Variants in CASZ1 observed in about 807,000 individuals in gnomAD.
The protein encoded by CASZ1 is zinc finger protein castor homolog 1.
Under a neutral mutation model 135.2 loss-of-function variants are expected in CASZ1, and 28 were observed. The ratio of observed to expected loss-of-function variants is 0.21; its 90% CI spans 0.15 to 0.28. The LOEUF (loss-of-function observed/expected upper bound fraction) is 0.28, where lower values mean the gene tolerates loss of function less well. CASZ1 is among the 10% of genes least tolerant of loss of function. The pLI is 1.00. For synonymous variants in CASZ1, 1,068 were observed against 1,073.4 expected, an observed-to-expected ratio of 0.99 and a Z score of 0.10; for missense variants, 2,161 against 2,453.3, an observed-to-expected ratio of 0.88 and a Z score of 2.52.
At chr1:10,681,524 T>G (rs998855243) in intron 4 of CASZ1, among the ~76,000 whole-genome samples, 9 of 152,194 alleles carry the variant, frequency 5.9e-5, no homozygotes, top group African/African-American at 2.2e-4. Context: ...TCACTTTCTC[T>G]GGGCAGCCTC....
rs967419364 is a variant in CASZ1, at chr1:10,701,987, G to A, written c.-24+3505C>T. 6.6e-6 allele frequency among the ~76,000 whole-genome samples: 1 copy of A among 152,366 alleles called. No individual in the cohort carries two copies. The highest frequency in any genetic ancestry group is 6.5e-5 in the Admixed American group (1 of 15,308). On this transcript the variant is annotated intron_variant, in intron 3 of 20. Transcript: ENST00000377022. This position sits in a 1 kb window ranked among gnomAD's most constrained non-coding sequence, Gnocchi z 6.3. ...TTGGGCTTCCGGCCCCGCTGCCTGG[G>A]CGGCGTCTGTCTTCCTTTGCGGACA... is the stretch of plus-strand genomic sequence containing the variant.
At chr1:10,772,228 C>A (rs557654399) in intron 1 of CASZ1, among the ~76,000 whole-genome samples, 1 of 152,070 alleles carries the variant, frequency 6.6e-6, no homozygotes, top group African/African-American at 2.4e-5. Flanking sequence ...AGAGAGAAGC[C>A]GAAATTAGAA....
chr1:10,756,987 C>T lies in CASZ1; in HGVS notation c.-77+3714G>A, dbSNP rs1033141636. Among the ~76,000 whole-genome samples the T allele has an allele frequency of 2.6e-5, 4 of 152,218 alleles. No homozygotes were observed. Among genetic ancestry groups the T allele is most frequent in the African/African-American group, 9.6e-5 (4 of 41,462 alleles). ...CCCAGCACAGAACCCAGGGAGCAAA[C>T]ACACAAAGCTGGCTTCAGTGCAGAG... On this transcript the variant is annotated intron_variant, in intron 2 of 20. Coordinates refer to ENST00000377022, the MANE Select transcript of CASZ1 (RefSeq NM_001079843.3). This position sits in a 1 kb window ranked among gnomAD's most constrained non-coding sequence, Gnocchi z 5.9.
intron 4 of CASZ1, among the ~76,000 whole-genome samples, chr1:10,693,142 C>T (rs1250742155): frequency 6.6e-6 from 1 of 152,056 alleles, no homozygotes; most frequent in Non-Finnish European, 1.5e-5. Flanking sequence ...CACAGGAGGC[C>T]CCCAAACCCA....
chr1:10,654,602 C>T lies in CASZ1; in HGVS notation c.1666-11G>A, dbSNP rs374974210. 2.5e-5 allele frequency: 40 copies of T among 1,611,976 alleles called. No individual in the cohort carries two copies. The highest frequency in any genetic ancestry group is 1.6e-4 in the Middle Eastern group (1 of 6,072). ...CTTGTTACAGCCCACCTGCACAGGA[C>T]GGGATGGTGGTCAGGCGAACGGAGG... On this transcript the variant is annotated splice_polypyrimidine_tract_variant and intron_variant, in intron 9 of 20. Transcript: ENST00000377022.
rs116088109 is a variant in CASZ1 at position 10,741,144 on chromosome 1, C to G, written c.-77+19557G>C. Among the ~76,000 whole-genome samples, 1,638 of 152,070 alleles carry G rather than the reference C, an allele frequency of 0.011. 27 individuals carry two copies. Among genetic ancestry groups the G allele is most frequent in the African/African-American group, 0.038 (1,567 of 41,472 alleles). The stretch of plus-strand genomic sequence containing the variant: ...AGCTGGGATTAGAGGCATGTACCTC[C>G]AATAATTTTTGTATTTTTAGCAGAG... On this transcript the variant is annotated intron_variant, in intron 2 of 20. Coordinates refer to ENST00000377022, the MANE Select transcript of CASZ1 (RefSeq NM_001079843.3). The surrounding 1 kb of genome is among the most constrained non-coding windows in gnomAD (Gnocchi z 5.0).
intron 2 of CASZ1, among the ~76,000 whole-genome samples, chr1:10,722,477 C>A (rs1361089314): frequency 6.6e-6 from 1 of 152,222 alleles, no homozygotes; most frequent in Non-Finnish European, 1.5e-5. Context: ...CCTTCGAGGG[C>A]AGATCTCTTT....
In CASZ1 at chr1:10,660,448, G is replaced by A. The variant is rs138445714; in HGVS notation, c.594C>T (p.Asp198=). ...CAAAGCTGATCTTCCTGGCCAGCTC[G>A]TCCCGCGTGTTCTGGTCATCATAGC... The part of the protein sequence containing the change: ...MFGYDDQNTR[D]ELARKISFEK... Residue 198 remains aspartate (D), a synonymous_variant, in exon 6 of 21, where the codon GAC becomes GAT. Coordinates refer to ENST00000377022, the MANE Select transcript of CASZ1 (RefSeq NM_001079843.3). The A allele has an allele frequency of 5.2e-5, 84 of 1,614,048 alleles. No homozygotes were observed. Among genetic ancestry groups the A allele is most frequent in the Admixed American group, 8.3e-5 (5 of 60,006 alleles).
Position 10,665,249 on chromosome 1 carries a change from G to T in CASZ1, c.339C>A (p.Gly113=). 1 of 1,605,374 alleles carries T rather than the reference G, an allele frequency of 6.2e-7. No individual in the cohort carries two copies. The highest frequency in any genetic ancestry group is 8.5e-7 in the Non-Finnish European group (1 of 1,174,784). Residue 113 remains glycine, a synonymous_variant, in exon 5 of 21, where the codon GGC becomes GGA. Transcript: ENST00000377022. ...TPVLGRIARE[G]LELPPEGVYM... is the part of the protein sequence containing the mutation. ...AGACACCCTCGGGAGGCAGCTCCAG[G>T]CCCTCGCGGGCAATCCGCCCCAACA...
chr1:10,643,099 CG>C, intron 19 of CASZ1, 60 bp downstream of exon 19: 1 of 1,596,562 alleles, frequency 6.3e-7, no homozygotes, highest in Admixed American at 1.7e-5. Flanking sequence ...TGAGAGTGAG[CG>C]TGGGACCATG....
Position 10,776,770 on chromosome 1 carries a change from C to T in CASZ1, c.-233-15913G>A, listed in dbSNP as rs974341915. On this transcript the variant is annotated intron_variant, in intron 1 of 20. Transcript: ENST00000377022. This position sits in a 1 kb window ranked among gnomAD's most constrained non-coding sequence, Gnocchi z 4.1. ...GCCATCCTGAAGTAGGAAGGGGTGA[C>T]GGCTCTATGGGGGCCAACCCTCTTG... Among the ~76,000 whole-genome samples the T allele has an allele frequency of 1.1e-4, 17 of 152,176 alleles. No individual in the cohort carries two copies. The highest frequency in any genetic ancestry group is 3.3e-4 in the Admixed American group (5 of 15,282).
Position 10,668,560 on chromosome 1 carries a change from C to T in CASZ1, c.17-2989G>A, listed in dbSNP as rs78224968. ...GGAGGGGCTGCCGAGGTGGGCTGGG[C>T]CGGGGCCTGGGACCCACACACAGTC... is the stretch of plus-strand genomic sequence containing the variant. On this transcript the variant is annotated intron_variant, in intron 4 of 20. Coordinates refer to ENST00000377022, the MANE Select transcript of CASZ1 (RefSeq NM_001079843.3). 7.2e-4 allele frequency among the ~76,000 whole-genome samples: 109 copies of T among 152,364 alleles called. 1 individual carries two copies. In the East Asian group the frequency reaches 0.018, roughly 26 times the overall value.
In CASZ1 at chr1:10,654,333, A is replaced by AG. The variant is rs958055297; in HGVS notation, c.1838+85dup. 63 of 1,576,554 alleles carry AG rather than the reference A, an allele frequency of 4.0e-5. No individual in the cohort carries two copies. In the African/African-American group the frequency reaches 7.4e-4, roughly 19 times the overall value. On this transcript the variant is annotated intron_variant, in intron 10 of 20. Transcript: ENST00000377022. ...GAAAACCCAGGCTGGACACCGAGGC[A>AG]GGGGCCTGAGCCGTCCCACGAGCCT...
chr1:10,777,992 T>A lies in CASZ1; in HGVS notation c.-233-17135A>T, dbSNP rs1441317217. 2.0e-5 allele frequency among the ~76,000 whole-genome samples: 3 copies of A among 150,340 alleles called. No individual in the cohort carries two copies. In the East Asian group the frequency reaches 6.0e-4, roughly 30 times the overall value. Reference sequence around the variant, plus strand: ...ATACGCAATCGCATACACAATCTCATACAGTCTCATATACACTCACTCATA... The same window carrying A: ...ATACGCAATCGCATACACAATCTCAAACAGTCTCATATACACTCACTCATA... On this transcript the variant is annotated intron_variant, in intron 1 of 20. Transcript: ENST00000377022. The surrounding 1 kb of genome is among the most constrained non-coding windows in gnomAD (Gnocchi z 4.4).
intron 2 of CASZ1, among the ~76,000 whole-genome samples, chr1:10,750,957 C>A (rs775917656): frequency 6.6e-6 from 1 of 151,260 alleles, no homozygotes; most frequent in South Asian, 2.1e-4. Flanking sequence ...CTGAGCTGGA[C>A]GCTCCTGGGG....
At chr1:10,744,129 CT>C (rs1488562626) in intron 2 of CASZ1, among the ~76,000 whole-genome samples, 1 of 152,092 alleles carries the variant, frequency 6.6e-6, no homozygotes, top group Non-Finnish European at 1.5e-5. Flanking sequence ...ACCCTGCCCC[CT>C]GATTTTAGAT....
rs564442915 is a variant in CASZ1, at chr1:10,767,883, C to A, written c.-233-7026G>T. On this transcript the variant is annotated intron_variant, in intron 1 of 20. Transcript: ENST00000377022. The surrounding 1 kb of genome is among the most constrained non-coding windows in gnomAD (Gnocchi z 4.2). ...GAGGAGGGCCACGACCCTGGCATCA[C>A]CCCAGTCCCCCAACGCCCACTCCAA... Among the ~76,000 whole-genome samples the A allele has an allele frequency of 3.6e-3, 524 of 144,256 alleles. 4 individuals carry two copies. The highest frequency in any genetic ancestry group is 6.4e-3 in the Non-Finnish European group (408 of 63,682). 94.6% of individuals were successfully genotyped at this position (144,256 alleles called of 152,430 possible).
In CASZ1 at chr1:10,655,667, G is replaced by C; in HGVS notation, c.1647C>G (p.Thr549=). ...YHGCHLNGKS[T]HYHCMQVGCN... is the part of the protein sequence containing the mutation. ...GAGGCACCTGCATGCAGTGATAGTG[G>C]GTGCTCTTCCCATTGAGGTGGCAGC... is the stretch of plus-strand genomic sequence containing the variant. Residue 549 remains threonine, a synonymous_variant, in exon 9 of 21, where the codon ACC becomes ACG. Coordinates refer to ENST00000377022, the MANE Select transcript of CASZ1 (RefSeq NM_001079843.3). The C allele has an allele frequency of 6.2e-7, 1 of 1,613,542 alleles. No individual in the cohort carries two copies. The highest frequency in any genetic ancestry group is 8.5e-7 in the Non-Finnish European group (1 of 1,179,760).
intron 2 of CASZ1, among the ~76,000 whole-genome samples, chr1:10,718,470 T>C (rs1639435319): frequency 6.6e-6 from 1 of 152,244 alleles, no homozygotes. Flanking sequence ...CCAGACTCCA[T>C]AAAACATCCA....
Sources: allele counts gnomAD v4.1 joint callset (sites outside exome capture counted in the v4.1 genomes callset), GRCh38; gene constraint gnomAD v4.1.1; non-coding constraint Gnocchi (gnomAD v3.1); transcripts MANE v1.5; gene names NCBI Gene and HGNC (gene_info 2026-07-23, HGNC 2026-07-21).